MAD1L1: variants seen among roughly 807,000 people sequenced by gnomAD.
MAD1L1 encodes mitotic arrest deficient 1 like 1.
In MAD1L1, 95 loss-of-function variants were observed where a neutral mutation model predicts 96.9. The observed-to-expected ratio is 0.98, with a 90% confidence interval of 0.83 to 1.16. The LOEUF is 1.16. MAD1L1 is among the 50% of genes most tolerant of loss of function. The pLI is 0.00. For missense variants in MAD1L1, 1,007 were observed against 954.4 expected, an observed-to-expected ratio of 1.06 and a Z score of -0.73; for synonymous variants, 473 against 396.6, an observed-to-expected ratio of 1.19 and a Z score of -2.29.
chr7:2,221,370 C>T (rs779482931), intron 5 of MAD1L1, among the ~76,000 whole-genome samples: 8 of 152,220 alleles, frequency 5.3e-5, no homozygotes, highest in Admixed American at 2.0e-4. Flanking sequence ...ATCACGCCTC[C>T]TCTCCTGCCA....
chr7:2,014,622 G>A lies in MAD1L1; in HGVS notation c.1239C>T (p.Ala413=), dbSNP rs778157743. The part of the protein sequence containing the change: ...LLTKERDGMR[A]ILGSYDSELT... Reference sequence around the variant, plus strand: ...GCTCGCTGTCGTAGGACCCCAGGATGGCCCGCATACCGTCCCGCTCCTGTG... The same window carrying A: ...GCTCGCTGTCGTAGGACCCCAGGATAGCCCGCATACCGTCCCGCTCCTGTG... The change falls in exon 13 of 19, where the codon GCC becomes GCT. Residue 413 remains alanine (A), a synonymous_variant. Transcript: ENST00000265854. 56 of 1,611,930 alleles carry A rather than the reference G, an allele frequency of 3.5e-5. No homozygotes were observed. The East Asian group carries it at 4.0e-4, about 12-fold the overall frequency.
At chr7:2,195,607 G>A (rs765698182) in intron 10 of MAD1L1, among the ~76,000 whole-genome samples, 1 of 152,202 alleles carries the variant, frequency 6.6e-6, no homozygotes, top group African/African-American at 2.4e-5. Context: ...TGAAACTGAA[G>A]AGTAGTTTGC....
intron 10 of MAD1L1, among the ~76,000 whole-genome samples, chr7:2,152,275 A>G (rs1203374030): frequency 6.6e-6 from 1 of 152,192 alleles, no homozygotes; most frequent in East Asian, 1.9e-4. Context: ...CCCCCATCAT[A>G]GGGAGGACTG....
Position 2,064,353 on chromosome 7 carries a change from C to T in MAD1L1, c.1218+4841G>A, listed in dbSNP as rs192244591. ...AGGCCCTGGCAGAGTCAACTGAGAA[C>T]GCGCAGGGGTCCCTGAGCTAAGCCT... On this transcript the variant is annotated intron_variant, in intron 12 of 18. Coordinates refer to ENST00000265854, the MANE Select transcript of MAD1L1 (RefSeq NM_001013836.2). 4.5e-3 allele frequency among the ~76,000 whole-genome samples: 683 copies of T among 152,246 alleles called. 3 individuals carry two copies. The highest frequency in any genetic ancestry group is 0.01 in the Middle Eastern group (3 of 294).
chr7:2,128,992 G>C (rs1368888779), intron 11 of MAD1L1, among the ~76,000 whole-genome samples: 1 of 152,264 alleles, frequency 6.6e-6, no homozygotes, highest in East Asian at 1.9e-4. Flanking sequence ...ACCTTGAGGA[G>C]ATGGGGAGTG....
At chr7:2,073,775 C>CAGTG (rs1461302024) in intron 11 of MAD1L1, among the ~76,000 whole-genome samples, 1 of 152,344 alleles carries the variant, frequency 6.6e-6, no homozygotes, top group East Asian at 1.9e-4. Flanking sequence ...GGTTGTGAAG[C>CAGTG]AAACCTCTCC....
chr7:1,864,675 C>T (rs941792710), intron 18 of MAD1L1, among the ~76,000 whole-genome samples: 7 of 152,198 alleles, frequency 4.6e-5, no homozygotes, highest in South Asian at 2.1e-4. Flanking sequence ...CCCTGATCCT[C>T]GATACTGGAG....
At chr7:2,052,813 G>C (rs76781142) in intron 12 of MAD1L1, among the ~76,000 whole-genome samples, 1,784 of 152,294 alleles carry the variant, frequency 0.012, 39 homozygotes, top group East Asian at 0.086. Flanking sequence ...GGAACAGACA[G>C]AGGAACCGGG....
intron 11 of MAD1L1, among the ~76,000 whole-genome samples, chr7:2,085,712 A>G (rs1348176670): frequency 6.6e-6 from 1 of 152,180 alleles, no homozygotes; most frequent in African/African-American, 2.4e-5. Context: ...TGTTGTTTTT[A>G]GTCACAGCTG....
At chr7:2,182,264 T>C (rs952608581) in intron 10 of MAD1L1, among the ~76,000 whole-genome samples, 4 of 151,524 alleles carry the variant, frequency 2.6e-5, no homozygotes, top group Non-Finnish European at 5.9e-5. Context: ...TGAAAAATCA[T>C]GCAGTCATTA....
At chr7:1,818,412 C>G (rs976943351) in intron 18 of MAD1L1, among the ~76,000 whole-genome samples, 1 of 144,918 alleles carries the variant, frequency 6.9e-6, no homozygotes, top group Non-Finnish European at 1.5e-5. Flanking sequence ...AGAGACGAGT[C>G]TCACTCTGTC....
intron 13 of MAD1L1, among the ~76,000 whole-genome samples, chr7:2,005,834 A>T (rs1299901527): frequency 1.3e-5 from 2 of 152,136 alleles, no homozygotes; most frequent in African/African-American, 4.8e-5. Context: ...AAACAAAACA[A>T]AAAAAGTTCG....
chr7:2,224,835 C>T (rs949908728), intron 4 of MAD1L1, among the ~76,000 whole-genome samples: 2 of 152,140 alleles, frequency 1.3e-5, no homozygotes, highest in African/African-American at 4.8e-5. Flanking sequence ...GAGCCAGGAG[C>T]AACACAGAGC....
Position 2,042,640 on chromosome 7 carries a change from C to T in MAD1L1, c.1218+26554G>A, listed in dbSNP as rs768447074. Among the ~76,000 whole-genome samples the T allele has an allele frequency of 5.9e-5, 9 of 152,136 alleles. No individual in the cohort carries two copies. In the East Asian group the frequency reaches 9.6e-4, roughly 16 times the overall value. On this transcript the variant is annotated intron_variant, in intron 12 of 18. Transcript: ENST00000265854. Reference sequence around the variant, plus strand: ...CCTCACGAATGGCCCAGAGCCATCCCGAGTGAGGAGTGTTGTTGGAAAGAT... The same window carrying T: ...CCTCACGAATGGCCCAGAGCCATCCTGAGTGAGGAGTGTTGTTGGAAAGAT...
At position 2,116,570 on chromosome 7, in the gene MAD1L1, G is replaced by A. The variant is rs3778974; in HGVS notation, c.1073+32582C>T. Among the ~76,000 whole-genome samples the A allele has an allele frequency of 2.0e-3, 245 of 121,008 alleles. 3 individuals carry two copies. The highest frequency in any genetic ancestry group is 5.2e-3 in the Middle Eastern group (1 of 192). 79.4% of individuals were successfully genotyped at this position (121,008 alleles called of 152,430 possible). A position where few individuals can be genotyped will look rare whatever the true frequency, so the allele number is the denominator to read the frequency against. On this transcript the variant is annotated intron_variant, in intron 11 of 18. Coordinates refer to ENST00000265854, the MANE Select transcript of MAD1L1 (RefSeq NM_001013836.2). ...CACACGTGGCAGGCCAGAGGGTTGG[G>A]GGGGGGGGGGGCTCCTGTGTGTACA...
chr7:2,150,134 C>A (rs867698984), intron 10 of MAD1L1, among the ~76,000 whole-genome samples: 36 of 152,304 alleles, frequency 2.4e-4, no homozygotes, highest in Admixed American at 3.9e-4. Context: ...ACTGAATGAG[C>A]AACGGGGACC....
chr7:1,962,441 A>C (rs1779992420), intron 15 of MAD1L1, among the ~76,000 whole-genome samples: 1 of 152,256 alleles, frequency 6.6e-6, no homozygotes, highest in African/African-American at 2.4e-5. Flanking sequence ...CATATATAAC[A>C]GAAAACATTG....
Position 2,146,766 on chromosome 7 carries a change from A to C in MAD1L1, c.1073+2386T>G, listed in dbSNP as rs1003657348. 6.6e-6 allele frequency among the ~76,000 whole-genome samples: 1 copy of C among 152,198 alleles called. No homozygotes were observed. The highest frequency in any genetic ancestry group is 2.1e-4 in the South Asian group (1 of 4,834). On this transcript the variant is annotated intron_variant, in intron 11 of 18. Coordinates refer to ENST00000265854, the MANE Select transcript of MAD1L1 (RefSeq NM_001013836.2). The surrounding 1 kb of genome is among the most constrained non-coding windows in gnomAD (Gnocchi z 6.2). Reference sequence around the variant, plus strand: ...CTGCCATGCCGCCTCCTTCACGCTCATCTGAATTTCTGTCCAACTGCCTGT... The same window carrying C: ...CTGCCATGCCGCCTCCTTCACGCTCCTCTGAATTTCTGTCCAACTGCCTGT...
intron 17 of MAD1L1, among the ~76,000 whole-genome samples, chr7:1,916,037 C>T (rs1171578096): frequency 6.6e-6 from 1 of 152,196 alleles, no homozygotes; most frequent in Non-Finnish European, 1.5e-5. Flanking sequence ...CTAGGAGAGG[C>T]TAACAAGCCA....
Sources: gnomAD v4.1 joint callset for allele counts (sites outside exome capture counted in the v4.1 genomes callset) on GRCh38, gnomAD v4.1.1 for gene constraint, Gnocchi (gnomAD v3.1) non-coding constraint, MANE v1.5 for transcripts, NCBI Gene and HGNC (gene_info 2026-07-23, HGNC 2026-07-21) for gene names.